Variants in ROBO2 observed in about 807,000 individuals in gnomAD.
ROBO2 encodes the protein roundabout guidance receptor 2.
Under a neutral mutation model 160.8 loss-of-function variants are expected in ROBO2, and 53 were observed. That is an observed-to-expected ratio of 0.33 (90% CI 0.26 to 0.41). The LOEUF (loss-of-function observed/expected upper bound fraction) is 0.41, where lower values mean the gene tolerates loss of function less well. Among genes scored for constraint, ROBO2 ranks in the 10% least tolerant of loss-of-function variants. The probability of loss-of-function intolerance (pLI) is 1.00; values close to 1 mark genes in which losing one functional copy is unlikely to be tolerated. For missense variants in ROBO2, 1,577 were observed against 1,722.4 expected, an observed-to-expected ratio of 0.92 and a Z score of 1.49; for synonymous variants, 664 against 611.7, an observed-to-expected ratio of 1.09 and a Z score of -1.26.
At chr3:77,434,881 G>A (rs542475976) in intron 2 of ROBO2, among the ~76,000 whole-genome samples, 88 of 151,956 alleles carry the variant, frequency 5.8e-4, no homozygotes, top group African/African-American at 1.7e-3. Context: ...TAATGCACTC[G>A]CATATAAAAT....
chr3:77,342,046 A>G (rs1220718659), intron 2 of ROBO2, among the ~76,000 whole-genome samples: 1 of 152,142 alleles, frequency 6.6e-6, no homozygotes, highest in Non-Finnish European at 1.5e-5. Context: ...ACTGGGAAAT[A>G]AAGCTTCCGT....
At chr3:77,322,345 T>A (rs1333896919) in intron 2 of ROBO2, among the ~76,000 whole-genome samples, 1 of 152,150 alleles carries the variant, frequency 6.6e-6, no homozygotes, top group Non-Finnish European at 1.5e-5. Context: ...ACATATGAAG[T>A]AGCACTGAGA....
chr3:77,552,094 G>C (rs1211674143), intron 8 of ROBO2, among the ~76,000 whole-genome samples: 3 of 151,808 alleles, frequency 2.0e-5, no homozygotes, highest in Non-Finnish European at 4.4e-5. Context: ...TCCTTAGATG[G>C]GCAAGGTCTT....
At position 77,126,875 on chromosome 3, in the gene ROBO2, G is replaced by A. The variant is rs536084722; in HGVS notation, c.388+28535G>A. Among the ~76,000 whole-genome samples, 20 of 129,968 alleles carry A rather than the reference G, an allele frequency of 1.5e-4. No individual in the cohort carries two copies. In the South Asian group the frequency reaches 3.7e-3, roughly 24 times the overall value. The allele number at this position is 129,968 out of a possible 152,430, so 85.3% of individuals were successfully genotyped here. A position where few individuals can be genotyped will look rare whatever the true frequency, so the allele number is the denominator to read the frequency against. ...GCAATCTCGGCTCACTGCAACCTCC[G>A]CCTCCCGGGTTCACGCCATTCTCCA... On this transcript the variant is annotated intron_variant, in intron 2 of 25. Transcript: ENST00000461745.
chr3:77,386,868 G>T (rs1461564026), intron 2 of ROBO2, among the ~76,000 whole-genome samples: 1 of 151,850 alleles, frequency 6.6e-6, no homozygotes, highest in Non-Finnish European at 1.5e-5. Flanking sequence ...CTCCCAAAGT[G>T]CTGGGATTAT....
chr3:75,974,765 T>C (rs908933337), intron 2 of ROBO2, among the ~76,000 whole-genome samples: 3 of 151,390 alleles, frequency 2.0e-5, no homozygotes, highest in Non-Finnish European at 4.4e-5. Context: ...TATTGCACAA[T>C]AAGAGGCAGT....
chr3:76,058,589 CTTTT>C (rs10676074), intron 2 of ROBO2, among the ~76,000 whole-genome samples: 14 of 48,860 alleles, frequency 2.9e-4, no homozygotes, highest in African/African-American at 7.6e-4. Flanking sequence ...ACAGCAGAAA[CTTTT>C]TTTTTTTTTT....
At chr3:76,362,989 TC>T (rs1172914774) in intron 2 of ROBO2, among the ~76,000 whole-genome samples, 5 of 152,052 alleles carry the variant, frequency 3.3e-5, no homozygotes, top group African/African-American at 1.2e-4. Flanking sequence ...TTCCTTTATT[TC>T]GATGTTTCTT....
intron 2 of ROBO2, among the ~76,000 whole-genome samples, chr3:76,840,268 A>G (rs1039377546): frequency 2.0e-5 from 3 of 151,560 alleles, no homozygotes; most frequent in Non-Finnish European, 2.9e-5. Flanking sequence ...AAGATACATC[A>G]TTAGAAAGGG....
chr3:76,551,646 G>A (rs910182048), intron 2 of ROBO2, among the ~76,000 whole-genome samples: 3 of 152,070 alleles, frequency 2.0e-5, no homozygotes, highest in African/African-American at 7.2e-5. Context: ...ACCCTCCTGG[G>A]GTTTTGTGAC....
intron 5 of ROBO2, among the ~76,000 whole-genome samples, chr3:77,519,359 T>G (rs1469365786): frequency 6.6e-6 from 1 of 151,392 alleles, no homozygotes; most frequent in Non-Finnish European, 1.5e-5. Flanking sequence ...TTTTTTAAAT[T>G]TCAACCTTTA....
intron 2 of ROBO2, among the ~76,000 whole-genome samples, chr3:76,050,693 C>A (rs544519676): frequency 1.1e-4 from 17 of 152,266 alleles, no homozygotes; most frequent in African/African-American, 4.1e-4. Context: ...TGTGCTCTCC[C>A]TCTTCTCTCT....
intron 2 of ROBO2, among the ~76,000 whole-genome samples, chr3:77,202,401 A>C (rs2082997579): frequency 6.6e-6 from 1 of 152,174 alleles, no homozygotes; most frequent in South Asian, 2.1e-4. Flanking sequence ...AAGTCAAATT[A>C]ATGATACTTC....
In ROBO2 at chr3:76,152,572, GAATTAAAAT is replaced by G. The variant is rs549951833; in HGVS notation, c.109+214972_109+214980del. Among the ~76,000 whole-genome samples, 207 of 152,156 alleles carry G rather than the reference GAATTAAAAT, an allele frequency of 1.4e-3. 1 individual carries two copies. The highest frequency in any genetic ancestry group is 4.9e-3 in the African/African-American group (205 of 41,558). ...TGTGTGCATTTGTGTTAATGTTTATGAATTAAAATAGTATAAAATATTTGATTAGAGTTC... is the reference window on the plus strand; with the variant it reads ...TGTGTGCATTTGTGTTAATGTTTATGAGTATAAAATATTTGATTAGAGTTC... On this transcript the variant is annotated intron_variant, in intron 2 of 26. Coordinates refer to the ROBO2 transcript ENST00000487694.
chr3:76,314,158 C>T (rs924225784), intron 2 of ROBO2, among the ~76,000 whole-genome samples: 2 of 152,114 alleles, frequency 1.3e-5, no homozygotes, highest in Non-Finnish European at 2.9e-5. Flanking sequence ...AATATATGAA[C>T]ACCTTAAGGG....
intron 1 of ROBO2, among the ~76,000 whole-genome samples, chr3:77,049,321 G>A (rs976868454): frequency 1.3e-5 from 2 of 152,128 alleles, no homozygotes; most frequent in East Asian, 1.9e-4. Flanking sequence ...CAGAGGCCCC[G>A]TCTCCACACA....
chr3:77,062,352 T>C (rs1407904788), intron 1 of ROBO2, among the ~76,000 whole-genome samples: 1 of 152,082 alleles, frequency 6.6e-6, no homozygotes, highest in Non-Finnish European at 1.5e-5. Context: ...ACCTAAAGGC[T>C]CCTGACAGAA....
At chr3:76,040,732 A>G (rs2067249991) in intron 2 of ROBO2, among the ~76,000 whole-genome samples, 1 of 152,090 alleles carries the variant, frequency 6.6e-6, no homozygotes, top group South Asian at 2.1e-4. Flanking sequence ...TCATGCCTGT[A>G]ATCCCAGCAC....
chr3:77,619,200 CTA>C (rs1236244203), intron 22 of ROBO2, among the ~76,000 whole-genome samples: 1 of 152,094 alleles, frequency 6.6e-6, no homozygotes, highest in African/African-American at 2.4e-5. Flanking sequence ...CATTTATATG[CTA>C]TAGTTTCCCC....
Sources: allele counts gnomAD v4.1 joint callset (sites outside exome capture counted in the v4.1 genomes callset), GRCh38; gene constraint gnomAD v4.1.1; transcripts MANE v1.5; gene names NCBI Gene and HGNC (gene_info 2026-07-23, HGNC 2026-07-21).